Variants in CDH26 observed in about 807,000 individuals in gnomAD.
CDH26 encodes the protein cadherin 26, also known as cadherin-like protein 26.
A neutral mutation model predicts 90.3 loss-of-function variants in CDH26; 83 were observed. The observed-to-expected ratio is 0.92, with a 90% confidence interval of 0.77 to 1.10. The LOEUF (loss-of-function observed/expected upper bound fraction) is 1.10. CDH26 is among the 50% of genes least tolerant of loss of function. The pLI is 0.00. For synonymous variants in CDH26, 397 were observed against 396.3 expected, an observed-to-expected ratio of 1.00 and a Z score of -0.02; for missense variants, 1,013 against 1,037.6, an observed-to-expected ratio of 0.98 and a Z score of 0.33.
At chr20:60,023,146 CA>C (rs542228872) in intron 7 of CDH26, among the ~76,000 whole-genome samples, 1 of 152,232 alleles carries the variant, frequency 6.6e-6, no homozygotes, top group Non-Finnish European at 1.5e-5. Context: ...TCACTGCCGT[CA>C]GAGCTGATAC....
intron 7 of CDH26, among the ~76,000 whole-genome samples, chr20:60,021,818 T>A (rs1352002815): frequency 7.1e-6 from 1 of 140,034 alleles, no homozygotes; most frequent in African/African-American, 2.7e-5. Context: ...GCTGTCTTCT[T>A]TGTGTATTTT....
rs187289694 is a variant in CDH26, at chr20:59,973,037, A to G, written c.393+914A>G. Among the ~76,000 whole-genome samples, 179 of 152,360 alleles carry G rather than the reference A, an allele frequency of 1.2e-3. 1 individual carries two copies. Among genetic ancestry groups the G allele is most frequent in the African/African-American group, 4.1e-3 (170 of 41,578 alleles). On this transcript the variant is annotated intron_variant, in intron 4 of 17. Coordinates refer to ENST00000348616, the MANE Select transcript of CDH26 (RefSeq NM_177980.4). Reference sequence around the variant, plus strand: ...ATGAATGCATGCCTCCCTTCTGTGCAGAATTCACAGTGTCTGTTAAAAAGA... The same window carrying G: ...ATGAATGCATGCCTCCCTTCTGTGCGGAATTCACAGTGTCTGTTAAAAAGA...
chr20:59,999,817 G>T (rs2061652058), intron 14 of CDH26, among the ~76,000 whole-genome samples, 154 bp downstream of exon 14: 1 of 152,126 alleles, frequency 6.6e-6, no homozygotes, highest in Non-Finnish European at 1.5e-5. Context: ...AAAGCCCCAT[G>T]GTTCCCTTAG....
chr20:59,999,459 C>T, intron 13 of CDH26, 127 bp from the exon 14 acceptor site: 1 of 704,232 alleles, frequency 1.4e-6, no homozygotes, highest in South Asian at 1.9e-5. Context: ...TTTTTACAGT[C>T]TGGACTTCTT....
At chr20:59,987,417 T>C in intron 7 of CDH26, 36 bp from the exon 8 acceptor site, 1 of 1,562,270 alleles carries the variant, frequency 6.4e-7, no homozygotes, top group Non-Finnish European at 8.7e-7. Context: ...TGTGTTTTTG[T>C]TTCCATGACA....
At chr20:59,994,107 A>G (rs888210855) in intron 10 of CDH26, 143 bp from the exon 11 acceptor site, 9 of 1,055,488 alleles carry the variant, frequency 8.5e-6, no homozygotes, top group Non-Finnish European at 1.1e-5. Context: ...GATCACGTGC[A>G]TGCCAGGAGA....
intron 8 of CDH26, among the ~76,000 whole-genome samples, chr20:59,988,066 G>C (rs1318693832): frequency 6.6e-6 from 1 of 152,204 alleles, no homozygotes; most frequent in Non-Finnish European, 1.5e-5. Flanking sequence ...GAGTGCATCT[G>C]TGTGGCTCCA....
intron 17 of CDH26, among the ~76,000 whole-genome samples, chr20:60,009,567 G>A (rs1569060497): frequency 6.6e-6 from 1 of 152,176 alleles, no homozygotes; most frequent in Admixed American, 6.5e-5. Context: ...CCCTCTGCGG[G>A]GCAGGGAGGC....
intron 13 of CDH26, 79 bp downstream of exon 13, chr20:59,996,840 A>G (rs1045303503): frequency 6.4e-7 from 1 of 1,563,930 alleles, no homozygotes. Context: ...TTTTCCCCCC[A>G]TTGTGCCACC....
chr20:59,996,409 A>G (rs746797679), intron 12 of CDH26: 19 of 1,524,068 alleles, frequency 1.2e-5, no homozygotes, highest in Non-Finnish European at 1.7e-5. Flanking sequence ...ACAATACAAT[A>G]TTACTGGCCA....
intron 1 of CDH26, among the ~76,000 whole-genome samples, chr20:59,961,763 T>A (rs2061077640): frequency 6.6e-6 from 1 of 152,138 alleles, no homozygotes; most frequent in South Asian, 2.1e-4. Context: ...CCAGGTTCAG[T>A]GACAAGTAAT....
In CDH26 at chr20:59,958,597, C is replaced by T. The variant is rs1035800057; in HGVS notation, c.-130C>T. 1.2e-6 allele frequency: 1 copy of T among 817,918 alleles called. No individual in the cohort carries two copies. 50.7% of individuals were successfully genotyped at this position (817,918 alleles called of 1,614,324 possible). A position where few individuals can be genotyped will look rare whatever the true frequency, so the allele number is the denominator to read the frequency against. On this transcript the variant is annotated 5_prime_UTR_variant, in exon 1 of 18. Coordinates refer to ENST00000348616, the MANE Select transcript of CDH26 (RefSeq NM_177980.4). ...GCAAGATGGGATGAAAGCATCTGGGCCAAAGTGACCTGAAAACCTTTAGAG... is the reference window on the plus strand; with the variant it reads ...GCAAGATGGGATGAAAGCATCTGGGTCAAAGTGACCTGAAAACCTTTAGAG...
At chr20:59,976,373 T>A (rs1486764327) in intron 4 of CDH26, among the ~76,000 whole-genome samples, 2 of 152,248 alleles carry the variant, frequency 1.3e-5, no homozygotes, top group African/African-American at 4.8e-5. Context: ...ATTCTTAGCA[T>A]CTTGCCAAAG....
chr20:59,999,684 T>C, intron 14 of CDH26, 21 bp downstream of exon 14: 1 of 1,612,376 alleles, frequency 6.2e-7, no homozygotes, highest in South Asian at 1.1e-5. Flanking sequence ...CCTTACTTGC[T>C]TCTGGATTTC....
At chr20:59,968,919 T>C in intron 1 of CDH26, 48 bp from the exon 2 acceptor site, 1 of 1,034,800 alleles carries the variant, frequency 9.7e-7, no homozygotes, top group Non-Finnish European at 1.4e-6. Flanking sequence ...TTCCATGTGA[T>C]TCTGGTAAGA....
chr20:59,984,637 A>T lies in CDH26; in HGVS notation c.542-2A>T. 1 of 1,605,580 alleles carries T rather than the reference A, an allele frequency of 6.2e-7. No individual in the cohort carries two copies. Among genetic ancestry groups the T allele is most frequent in the South Asian group, 1.1e-5 (1 of 89,162 alleles). ...GTAACAATTTTTAAAAATTCTTTCT[A>T]GGGCAACCTATTTTTCAGATGTTAG... On this transcript the variant is annotated splice_acceptor_variant, in intron 5 of 17. Transcript: ENST00000348616. LOFTEE classifies it high-confidence loss of function.
intron 7 of CDH26, among the ~76,000 whole-genome samples, chr20:59,987,033 T>C (rs1331376876): frequency 6.6e-6 from 1 of 152,210 alleles, no homozygotes; most frequent in Non-Finnish European, 1.5e-5. Flanking sequence ...TTTGAAGATC[T>C]ACATGTGTTA....
rs181207176 is a variant in CDH26, at chr20:60,013,367, T to C, written c.*637T>C. 3 of 152,350 alleles carry C rather than the reference T, an allele frequency of 2.0e-5. No individual in the cohort carries two copies. The highest frequency in any genetic ancestry group is 1.5e-5 in the Non-Finnish European group (1 of 68,030). The allele number at this position is 152,350 out of a possible 1,614,324, so 9.4% of individuals were successfully genotyped here. A position where few individuals can be genotyped will look rare whatever the true frequency, so the allele number is the denominator to read the frequency against. ...GACATAATTTAACTTGTATGTATTA[T>C]GTAAGTAAAAGAGTTAGGAGCCTTT... On this transcript the variant is annotated 3_prime_UTR_variant, in exon 18 of 18. Coordinates refer to ENST00000348616, the MANE Select transcript of CDH26 (RefSeq NM_177980.4).
At position 59,967,937 on chromosome 20, in the gene CDH26, TTCTTTCTTTCTTTCTTTCTA is replaced by T. The variant is rs1339064322; in HGVS notation, c.70-1010_70-991del. 9.3e-3 allele frequency among the ~76,000 whole-genome samples: 1,026 copies of T among 110,508 alleles called. 49 individuals carry two copies. The highest frequency in any genetic ancestry group is 0.044 in the African/African-American group (933 of 21,046). 72.5% of individuals were successfully genotyped at this position (110,508 alleles called of 152,430 possible). A position where few individuals can be genotyped will look rare whatever the true frequency, so the allele number is the denominator to read the frequency against. ...TCCTTTCCTTTCCTTTCCTTTCCCTTTCTTTCTTTCTTTCTTTCTATCTTTCTTTCTTTCTTTCTTTCTTT... is the reference window on the plus strand; with the variant it reads ...TCCTTTCCTTTCCTTTCCTTTCCCTTTCTTTCTTTCTTTCTTTCTTTCTTT... On this transcript the variant is annotated intron_variant, in intron 1 of 17. Coordinates refer to ENST00000348616, the MANE Select transcript of CDH26 (RefSeq NM_177980.4).
Sources: allele counts gnomAD v4.1 joint callset (sites outside exome capture counted in the v4.1 genomes callset), GRCh38; gene constraint gnomAD v4.1.1; transcripts MANE v1.5; gene names NCBI Gene and HGNC (gene_info 2026-07-23, HGNC 2026-07-21).